The following MGLL variants were observed in gnomAD, a reference collection of about 807,000 sequenced individuals.
MGLL encodes the protein lysophospholipase homolog.
In MGLL, 7 loss-of-function variants were observed where a neutral mutation model predicts 29.1. The ratio of observed to expected loss-of-function variants is 0.24; its 90% CI spans 0.14 to 0.45. MGLL has a LOEUF of 0.45. MGLL is among the 20% of genes least tolerant of loss of function. The pLI is 0.99. For missense variants in MGLL, 356 were observed against 413.6 expected (o/e 0.86, Z 1.21); for synonymous variants, 148 against 168.3 (o/e 0.88, Z 0.93).
At chr3:127,740,930 T>C (rs9757981) in intron 3 of MGLL, among the ~76,000 whole-genome samples, 73,544 of 152,072 alleles carry the variant, frequency 0.48, 17,940 homozygotes, top group Non-Finnish European at 0.5. Flanking sequence ...AAGCTTTCCC[T>C]GGGGCTGGAC....
At chr3:127,771,909 G>C (rs1307264566) in intron 3 of MGLL, among the ~76,000 whole-genome samples, 1 of 152,144 alleles carries the variant, frequency 6.6e-6, no homozygotes, top group Non-Finnish European at 1.5e-5. Context: ...CAACAGTCCC[G>C]GCTGTCTTGG....
intron 7 of MGLL, among the ~76,000 whole-genome samples, chr3:127,694,423 G>GTA (rs146379810): frequency 0.034 from 5,140 of 150,350 alleles, 296 homozygotes; most frequent in African/African-American, 0.12. Flanking sequence ...ATGTGTGTGT[G>GTA]TATATATATA....
intron 5 of MGLL, chr3:127,711,188 G>A (rs955276974): frequency 9.3e-5 from 18 of 192,682 alleles, no homozygotes; most frequent in African/African-American, 4.1e-4. Context: ...TGTGGCAGAG[G>A]GAAGGATTGC....
rs562867742 is a variant in MGLL, at chr3:127,788,270, C to T, written c.156-6375G>A. Reference sequence around the variant, plus strand: ...AGATACAGGTCTAAGTGTGTTATTACATATCAACTCATTTAACCCTCACAG... The same window carrying T: ...AGATACAGGTCTAAGTGTGTTATTATATATCAACTCATTTAACCCTCACAG... On this transcript the variant is annotated intron_variant, in intron 2 of 7. Transcript: ENST00000265052. 4.6e-5 allele frequency among the ~76,000 whole-genome samples: 7 copies of T among 152,236 alleles called. No homozygotes were observed. The East Asian group carries it at 1.4e-3, about 29-fold the overall frequency.
chr3:127,822,597 A>C, upstream of MGLL: 50 of 459,680 alleles, frequency 1.1e-4, no homozygotes, highest in East Asian at 2.8e-4. Flanking sequence ...TCCTAAACAA[A>C]TCGCTAGAGG....
At position 127,815,636 on chromosome 3, in the gene MGLL, G is replaced by A. The variant is rs1370295505; in HGVS notation, c.155+6058C>T. On this transcript the variant is annotated intron_variant, in intron 2 of 7. Transcript: ENST00000265052. ...TTTGTGTTTGGGTCCTCTCCCCCAC[G>A]TGCCCTTTCCGAGGGTGGAACACCA... Among the ~76,000 whole-genome samples the A allele has an allele frequency of 4.6e-5, 7 of 152,246 alleles. No individual in the cohort carries two copies. In the South Asian group the frequency reaches 1.2e-3, roughly 27 times the overall value.
intron 5 of MGLL, among the ~76,000 whole-genome samples, chr3:127,719,826 T>G (rs585887): frequency 0.054 from 8,260 of 152,268 alleles, 645 homozygotes; most frequent in East Asian, 0.33. Context: ...AGTAAGTCCG[T>G]GATTTCCTTA....
intron 2 of MGLL, among the ~76,000 whole-genome samples, chr3:127,818,068 C>T (rs907035225): frequency 1.3e-5 from 2 of 152,260 alleles, no homozygotes; most frequent in African/African-American, 4.8e-5. Context: ...TCAAGCGATT[C>T]TCCTGCCTCA....
chr3:127,707,270 C>T (rs2075621982), intron 6 of MGLL, among the ~76,000 whole-genome samples: 1 of 152,202 alleles, frequency 6.6e-6, no homozygotes, highest in Non-Finnish European at 1.5e-5. Flanking sequence ...CTTCCACAGC[C>T]TGGGAGAGGA....
At chr3:127,725,134 A>G (rs1207038766) in intron 3 of MGLL, among the ~76,000 whole-genome samples, 3 of 151,806 alleles carry the variant, frequency 2.0e-5, no homozygotes, top group Non-Finnish European at 4.4e-5. Flanking sequence ...CCACCCCAGT[A>G]AGCCTTTACC....
intron 3 of MGLL, among the ~76,000 whole-genome samples, chr3:127,729,990 C>T (rs2076119355): frequency 6.6e-6 from 1 of 152,218 alleles, no homozygotes; most frequent in Admixed American, 6.5e-5. Flanking sequence ...TTCCACAGCT[C>T]CTCAGATTGC....
In MGLL at chr3:127,761,401, G is replaced by T. The variant is rs79353235; in HGVS notation, c.262+20388C>A. On this transcript the variant is annotated intron_variant, in intron 3 of 7. Transcript: ENST00000265052. The surrounding 1 kb of genome is among the most constrained non-coding windows in gnomAD (Gnocchi z 4.6). ...GGATGAGAAGCTTTGAGGGACCAGG[G>T]TGGAGGCCTCCCCAGGGCTCCTCCT... 0.022 allele frequency among the ~76,000 whole-genome samples: 3,321 copies of T among 152,302 alleles called. 131 individuals carry two copies. Among genetic ancestry groups the T allele is most frequent in the East Asian group, 0.18 (911 of 5,180 alleles).
intron 2 of MGLL, among the ~76,000 whole-genome samples, chr3:127,813,077 T>C (rs996560717): frequency 1.3e-5 from 2 of 152,234 alleles, no homozygotes; most frequent in African/African-American, 4.8e-5. Context: ...GTCAATGACC[T>C]GGGAAAATTG....
intron 3 of MGLL, among the ~76,000 whole-genome samples, chr3:127,770,874 G>C (rs1343426693): frequency 6.6e-6 from 1 of 151,980 alleles, no homozygotes; most frequent in South Asian, 2.1e-4. Flanking sequence ...AGGTCACAAG[G>C]CTGAGCACCC....
intron 3 of MGLL, among the ~76,000 whole-genome samples, chr3:127,725,867 A>G (rs1421957225): frequency 6.6e-6 from 1 of 152,070 alleles, no homozygotes; most frequent in African/African-American, 2.4e-5. Flanking sequence ...AGAGTTCACA[A>G]TTGGCCTGGG....
intron 2 of MGLL, among the ~76,000 whole-genome samples, chr3:127,796,920 T>C (rs1189104930): frequency 6.6e-6 from 1 of 152,220 alleles, no homozygotes; most frequent in Non-Finnish European, 1.5e-5. Flanking sequence ...TTTATCATGC[T>C]GCTAACATCT....
In MGLL at chr3:127,692,139, T is replaced by G; in HGVS notation, c.*59A>C. ...TTGGCAAGCCATATCTGAGAAGCCA[T>G]CTCTGCCCTTCCCCTGCCTGCATCC... On this transcript the variant is annotated 3_prime_UTR_variant, in exon 8 of 8. Transcript: ENST00000265052. 1.2e-6 allele frequency: 1 copy of G among 854,816 alleles called. No homozygotes were observed. The highest frequency in any genetic ancestry group is 1.8e-6 in the Non-Finnish European group (1 of 550,814). 53.0% of individuals were successfully genotyped at this position (854,816 alleles called of 1,614,324 possible).
At chr3:127,791,508 G>A (rs2077300084) in intron 2 of MGLL, among the ~76,000 whole-genome samples, 1 of 152,024 alleles carries the variant, frequency 6.6e-6, no homozygotes, top group African/African-American at 2.4e-5. Flanking sequence ...CCCCTACCCC[G>A]ACCCCTACCC....
chr3:127,721,714 T>C (rs1455153349), intron 4 of MGLL, among the ~76,000 whole-genome samples: 1 of 152,116 alleles, frequency 6.6e-6, no homozygotes, highest in African/African-American at 2.4e-5. Context: ...CAACCGCAAA[T>C]GCTCACGGGG....
Sources: allele counts gnomAD v4.1 joint callset (sites outside exome capture counted in the v4.1 genomes callset), GRCh38; gene constraint gnomAD v4.1.1; non-coding constraint Gnocchi (gnomAD v3.1); transcripts MANE v1.5; gene names NCBI Gene and HGNC (gene_info 2026-07-23, HGNC 2026-07-21).